Variants in SH3BP5 observed in about 807,000 individuals in gnomAD.
SH3BP5 encodes SH3 domain-binding protein 5.
A neutral mutation model predicts 43.3 loss-of-function variants in SH3BP5; 22 were observed. The observed-to-expected ratio is 0.51, with a 90% CI of 0.36 to 0.73. The LOEUF (loss-of-function observed/expected upper bound fraction) is 0.73. Ranked by LOEUF, SH3BP5 falls within the 30% of genes least tolerant of loss-of-function variation. The pLI is 0.00. For missense variants in SH3BP5, 529 were observed against 586.9 expected (o/e 0.90, Z 1.02); for synonymous variants, 255 against 225.8 (o/e 1.13, Z -1.16).
Position 15,259,047 on chromosome 3 carries a change from G to T in SH3BP5, c.673C>A (p.Leu225Met), listed in dbSNP as rs1001692703. Reference protein sequence around the residue: ...KAKYYVQLEQLKKTVDDLQAK... With the variant: ...KAKYYVQLEQMKKTVDDLQAK... Reference sequence around the variant, plus strand: ...TGCAGGTCATCCACAGTCTTTTTCAGTTGCTGATCAAGAGAACAGGAGACT... The same window carrying T: ...TGCAGGTCATCCACAGTCTTTTTCATTTGCTGATCAAGAGAACAGGAGACT... Residue 225 changes from leucine (L) to methionine (M), a missense_variant, in exon 7 of 9, where the codon CTG becomes ATG. Around this residue, in one of 3 missense-constraint regions of SH3BP5, gnomAD observed 369 missense variants for 384.3 expected, o/e 0.96. Coordinates refer to ENST00000383791, the MANE Select transcript of SH3BP5 (RefSeq NM_004844.5). 2.5e-6 allele frequency: 4 copies of T among 1,613,910 alleles called. No individual in the cohort carries two copies. The highest frequency in any genetic ancestry group is 3.4e-6 in the Non-Finnish European group (4 of 1,179,774).
rs976284772 is a variant in SH3BP5 at position 15,254,985 on chromosome 3, G to A, written c.*1101C>T. 2 of 152,330 alleles carry A rather than the reference G, an allele frequency of 1.3e-5. No homozygotes were observed. Among genetic ancestry groups the A allele is most frequent in the Admixed American group, 1.3e-4 (2 of 15,284 alleles). 9.4% of individuals were successfully genotyped at this position (152,330 alleles called of 1,614,324 possible). On this transcript the variant is annotated 3_prime_UTR_variant, in exon 9 of 9. Transcript: ENST00000383791. ...GATTTACAAATGACTAAAATATACA[G>A]GCTGTGACAGAATTAACAGTTTGAA...
In SH3BP5 at chr3:15,262,156, T is replaced by G. The variant is rs1696468364; in HGVS notation, c.626+3A>C. 5.6e-6 allele frequency: 9 copies of G among 1,613,954 alleles called. No homozygotes were observed. Among genetic ancestry groups the G allele is most frequent in the Non-Finnish European group, 6.8e-6 (8 of 1,179,974 alleles). On this transcript the variant is annotated splice_donor_region_variant and intron_variant, in intron 5 of 8. Coordinates refer to ENST00000383791, the MANE Select transcript of SH3BP5 (RefSeq NM_004844.5). The stretch of plus-strand genomic sequence containing the variant: ...CCCCAGGGAAGGCCCTGTCCAGACT[T>G]ACTTGGACTTGTTGATGGCTCTCTT...
chr3:15,324,640 A>G (rs189776737), intron 2 of SH3BP5, among the ~76,000 whole-genome samples: 95 of 152,276 alleles, frequency 6.2e-4, no homozygotes, highest in African/African-American at 2.3e-3. Context: ...TCGAAGCACA[A>G]CTGAGTCTTA....
At chr3:15,332,736 G>T, upstream of SH3BP5, 2 of 913,488 alleles carry the variant, frequency 2.2e-6, no homozygotes, top group Non-Finnish European at 2.7e-6. Context: ...CTCCAAGGTG[G>T]CAAAATAGGA....
intron 2 of SH3BP5, among the ~76,000 whole-genome samples, chr3:15,311,554 T>G (rs1192195287): frequency 2.6e-5 from 1 of 38,382 alleles, no homozygotes; most frequent in African/African-American, 1.1e-4. Flanking sequence ...ACATTCTGTC[T>G]CAAAAAAAGA....
At chr3:15,338,073 G>A (rs906683044) in intron 1 of SH3BP5, among the ~76,000 whole-genome samples, 1 of 151,506 alleles carries the variant, frequency 6.6e-6, no homozygotes, top group Non-Finnish European at 1.5e-5. Flanking sequence ...TAGGCGTGCT[G>A]GCCCACATCT....
chr3:15,306,476 C>A (rs1247095074), intron 2 of SH3BP5, among the ~76,000 whole-genome samples: 2 of 152,122 alleles, frequency 1.3e-5, no homozygotes, highest in Non-Finnish European at 2.9e-5. Flanking sequence ...CCACTGCACT[C>A]CAGCCTGGAC....
chr3:15,321,688 A>G (rs986565885), intron 2 of SH3BP5, among the ~76,000 whole-genome samples: 3 of 152,130 alleles, frequency 2.0e-5, no homozygotes, highest in Non-Finnish European at 2.9e-5. Context: ...TTCTAGAGCC[A>G]GGCTTCTCAA....
chr3:15,277,829 C>A (rs1697014462), intron 3 of SH3BP5, among the ~76,000 whole-genome samples: 1 of 152,118 alleles, frequency 6.6e-6, no homozygotes, highest in Non-Finnish European at 1.5e-5. Context: ...CAGCACTTGG[C>A]CAAAGCAATG....
chr3:15,259,942 G>C, intron 5 of SH3BP5, 139 bp from the exon 6 acceptor site: 1 of 747,242 alleles, frequency 1.3e-6, no homozygotes, highest in Non-Finnish European at 2.4e-6. Context: ...ACAAGGCCGT[G>C]ACATGTCAGT....
intron 3 of SH3BP5, among the ~76,000 whole-genome samples, chr3:15,292,987 G>A (rs1697456524): frequency 6.6e-6 from 1 of 152,242 alleles, no homozygotes; most frequent in Non-Finnish European, 1.5e-5. Context: ...TGTGTCAGGA[G>A]CCTTTGACCT....
rs1014008673 is a variant in SH3BP5, at chr3:15,254,737, T to C, written c.*1349A>G. ...TATTACTGTTCATGACCTTAATTAA[T>C]TGAAAATGATTACTGGTGACCACAG... On this transcript the variant is annotated 3_prime_UTR_variant, in exon 9 of 9. Coordinates refer to ENST00000383791, the MANE Select transcript of SH3BP5 (RefSeq NM_004844.5). The C allele has an allele frequency of 2.0e-5, 3 of 152,190 alleles. No homozygotes were observed. The highest frequency in any genetic ancestry group is 7.2e-5 in the African/African-American group (3 of 41,446). 9.4% of individuals were successfully genotyped at this position (152,190 alleles called of 1,614,324 possible).
At chr3:15,321,597 G>C (rs565241806) in intron 2 of SH3BP5, among the ~76,000 whole-genome samples, 47 of 149,112 alleles carry the variant, frequency 3.2e-4, no homozygotes, top group African/African-American at 1.1e-3. Flanking sequence ...AAATATTTCA[G>C]AAAACACCAA....
At chr3:15,329,098 A>G (rs1575356617) in intron 2 of SH3BP5, among the ~76,000 whole-genome samples, 1 of 152,102 alleles carries the variant, frequency 6.6e-6, no homozygotes, top group African/African-American at 2.4e-5. Context: ...TGCAGTGAGC[A>G]GACATCACAC....
intron 3 of SH3BP5, among the ~76,000 whole-genome samples, chr3:15,284,454 A>T (rs1181770600): frequency 6.6e-6 from 1 of 152,218 alleles, no homozygotes; most frequent in African/African-American, 2.4e-5. Context: ...CCTGGGTGCT[A>T]CTAGTCTCTA....
chr3:15,299,305 A>G (rs978629643), intron 3 of SH3BP5, among the ~76,000 whole-genome samples: 12 of 152,100 alleles, frequency 7.9e-5, no homozygotes, highest in African/African-American at 2.7e-4. Context: ...CCTGCCCCCA[A>G]CCTGGCACAG....
intron 1 of SH3BP5, among the ~76,000 whole-genome samples, chr3:15,339,311 C>A (rs565337931): frequency 6.6e-6 from 1 of 152,290 alleles, no homozygotes; most frequent in South Asian, 2.1e-4. Context: ...CAGGCCACAG[C>A]ACCTAGAGAA....
chr3:15,300,584 G>T (rs1697711331), intron 3 of SH3BP5, among the ~76,000 whole-genome samples: 1 of 152,100 alleles, frequency 6.6e-6, no homozygotes, highest in Non-Finnish European at 1.5e-5. Context: ...TCACCATCAG[G>T]AAGGTGAGAG....
chr3:15,327,214 A>G (rs1698486590), intron 2 of SH3BP5, among the ~76,000 whole-genome samples: 1 of 152,168 alleles, frequency 6.6e-6, no homozygotes, highest in African/African-American at 2.4e-5. Flanking sequence ...AGCCTGGCCA[A>G]CATGGTGAAA....
Sources: gnomAD v4.1 joint callset for allele counts (sites outside exome capture counted in the v4.1 genomes callset) on GRCh38, gnomAD v4.1.1 for gene constraint, gnomAD v4.1.1 regional missense constraint, MANE v1.5 for transcripts, NCBI Gene and HGNC (gene_info 2026-07-23, HGNC 2026-07-21) for gene names.